The following ADD3 variants were observed in gnomAD, a reference collection of about 807,000 sequenced individuals.
ADD3 encodes the protein adducin 3, also known as gamma-adducin.
ADD3 carries 25 observed loss-of-function variants against 80.2 expected under a neutral mutation model. That is an observed-to-expected ratio of 0.31 (90% CI 0.23 to 0.44). The LOEUF (loss-of-function observed/expected upper bound fraction) is 0.44, where lower values mean the gene tolerates loss of function less well. ADD3 is among the 20% of genes least tolerant of loss of function. The probability of loss-of-function intolerance (pLI) is 1.00; values close to 1 mark genes in which losing one functional copy is unlikely to be tolerated. For missense variants in ADD3, 829 were observed against 847.5 expected (o/e 0.98, Z 0.27); for synonymous variants, 284 against 289.6 (o/e 0.98, Z 0.20).
intron 1 of ADD3, among the ~76,000 whole-genome samples, chr10:110,059,724 G>T (rs966103943): frequency 1.3e-5 from 2 of 152,058 alleles, no homozygotes; most frequent in African/African-American, 4.8e-5. Flanking sequence ...AGCCAAGATG[G>T]TGCCACTGCA....
rs1853487675 is a variant in ADD3, at chr10:110,134,959, C to T, written c.*1341C>T. 6.6e-6 allele frequency: 1 copy of T among 152,166 alleles called. No homozygotes were observed. Among genetic ancestry groups the T allele is most frequent in the Admixed American group, 6.5e-5 (1 of 15,272 alleles). 9.4% of individuals were successfully genotyped at this position (152,166 alleles called of 1,614,324 possible). ...TTTTAATGTAAATACAAATTTAAACCTAGGCTTAATATAGGCGTTTCCCCT... is the reference window on the plus strand; with the variant it reads ...TTTTAATGTAAATACAAATTTAAACTTAGGCTTAATATAGGCGTTTCCCCT... On this transcript the variant is annotated 3_prime_UTR_variant, in exon 15 of 15. Transcript: ENST00000356080.
rs143696361 is a variant in ADD3 at position 110,045,487 on chromosome 10, G to A, written c.-30+37188G>A. Among the ~76,000 whole-genome samples the A allele has an allele frequency of 5.6e-4, 86 of 152,220 alleles. No individual in the cohort carries two copies. In the East Asian group the frequency reaches 0.015, roughly 26 times the overall value. ...TAAATTTTATCTCCTTATAGTTGAC[G>A]CTTGAGCAATGTGGGTTTGAATAGC... is the stretch of plus-strand genomic sequence containing the variant. On this transcript the variant is annotated intron_variant, in intron 1 of 14. Transcript: ENST00000356080.
rs1275619238 is a variant in ADD3, at chr10:110,133,877, C to CATA, written c.*261_*263dup. On this transcript the variant is annotated 3_prime_UTR_variant, in exon 15 of 15. Transcript: ENST00000356080. ...CTCATGAAGTATTATTATAATTCAC[C>CATA]ATAAACAGCTATCTGTCTGAATTAC... 1.5e-5 allele frequency: 4 copies of CATA among 269,886 alleles called. No individual in the cohort carries two copies. Among genetic ancestry groups the CATA allele is most frequent in the African/African-American group, 8.8e-5 (4 of 45,578 alleles). 16.7% of individuals were successfully genotyped at this position (269,886 alleles called of 1,614,324 possible).
rs544311619 is a variant in ADD3, at chr10:110,096,489, C to G, written c.-29-4136C>G. Among the ~76,000 whole-genome samples, 4 of 152,240 alleles carry G rather than the reference C, an allele frequency of 2.6e-5. No homozygotes were observed. In the East Asian group the frequency reaches 7.7e-4, roughly 29 times the overall value. On this transcript the variant is annotated intron_variant, in intron 1 of 14. Coordinates refer to ENST00000356080, the MANE Select transcript of ADD3 (RefSeq NM_016824.5). ...AACAGAAACAACAACAAAAACAAAG[C>G]TTTGTGTGTTTAACAATTTATTATT...
intron 3 of ADD3, among the ~76,000 whole-genome samples, chr10:110,114,906 C>T (rs573978584): frequency 2.0e-5 from 3 of 150,948 alleles, no homozygotes; most frequent in African/African-American, 7.3e-5. Context: ...AGTAAGACCC[C>T]ATCTCCACTA....
chr10:110,046,239 G>A (rs1011691445), intron 1 of ADD3, among the ~76,000 whole-genome samples: 3 of 152,010 alleles, frequency 2.0e-5, no homozygotes, highest in Non-Finnish European at 2.9e-5. Flanking sequence ...GTACAGTACC[G>A]TAAATGTATT....
At chr10:110,090,460 G>A (rs1847359571) in intron 1 of ADD3, among the ~76,000 whole-genome samples, 1 of 152,036 alleles carries the variant, frequency 6.6e-6, no homozygotes, top group Non-Finnish European at 1.5e-5. Context: ...AGCTCAGGCA[G>A]TCCGCCTACC....
Position 110,027,082 on chromosome 10 carries a change from A to C in ADD3, c.-30+18783A>C, listed in dbSNP as rs577241329. Among the ~76,000 whole-genome samples the C allele has an allele frequency of 2.5e-4, 38 of 152,362 alleles. No homozygotes were observed. In the Middle Eastern group the frequency reaches 0.01, roughly 41 times the overall value. ...CAGTAAAGATAAATATGTTCATGAA[A>C]GTATATGAAACCAAAAATTGGAAAG... On this transcript the variant is annotated intron_variant, in intron 1 of 14. Transcript: ENST00000356080.
chr10:110,099,395 C>G (rs1409120604), intron 1 of ADD3, among the ~76,000 whole-genome samples: 1 of 152,050 alleles, frequency 6.6e-6, no homozygotes, highest in Non-Finnish European at 1.5e-5. Context: ...CATTTCCTAC[C>G]CCTTCTCCCT....
chr10:110,104,302 G>T (rs1448439515), intron 2 of ADD3, among the ~76,000 whole-genome samples: 1 of 152,154 alleles, frequency 6.6e-6, no homozygotes, highest in Non-Finnish European at 1.5e-5. Flanking sequence ...AACCTCCCTG[G>T]TGCTTGGCTC....
intron 2 of ADD3, among the ~76,000 whole-genome samples, chr10:110,109,246 C>A (rs1282661199): frequency 6.6e-6 from 1 of 151,932 alleles, no homozygotes; most frequent in Non-Finnish European, 1.5e-5. Context: ...AATCTAAAAA[C>A]CATTGTAAAT....
intron 2 of ADD3, among the ~76,000 whole-genome samples, chr10:110,104,935 C>T (rs1305290643): frequency 6.6e-6 from 1 of 152,158 alleles, no homozygotes; most frequent in Non-Finnish European, 1.5e-5. Flanking sequence ...TTACAGCATT[C>T]AGTGACAATG....
chr10:110,060,064 A>T (rs1215745392), intron 1 of ADD3, among the ~76,000 whole-genome samples: 3 of 152,158 alleles, frequency 2.0e-5, no homozygotes, highest in Non-Finnish European at 4.4e-5. Context: ...AAGGGAATAG[A>T]GTTGAGGCTT....
Position 110,122,166 on chromosome 10 carries a change from G to A in ADD3, c.1017G>A (p.Gln339=). ...ACAATCTCCATGTACTGGACTTTCA[G>A]AAGTATAAAGCTTTCACTTACACTG... ...GVDNLHVLDF[Q]KYKAFTYTVA... Residue 339 remains glutamine (Q), a synonymous_variant, in exon 9 of 15, where the codon CAG becomes CAA. Transcript: ENST00000356080. The A allele has an allele frequency of 1.2e-6, 2 of 1,614,078 alleles. No homozygotes were observed. Among genetic ancestry groups the A allele is most frequent in the Non-Finnish European group, 1.7e-6 (2 of 1,179,958 alleles).
At chr10:110,028,314 C>T (rs897368363) in intron 1 of ADD3, among the ~76,000 whole-genome samples, 4 of 152,324 alleles carry the variant, frequency 2.6e-5, no homozygotes, top group Non-Finnish European at 4.4e-5. Flanking sequence ...TGGCTCACGC[C>T]TGTAATCCCA....
intron 1 of ADD3, among the ~76,000 whole-genome samples, chr10:110,008,665 C>T (rs1200543614): frequency 1.3e-5 from 2 of 152,138 alleles, no homozygotes; most frequent in Non-Finnish European, 2.9e-5. Flanking sequence ...TAGGTGACCC[C>T]GGGGACCTTA....
Position 110,014,590 on chromosome 10 carries a change from A to G in ADD3, c.-30+6291A>G, listed in dbSNP as rs1171489313. The stretch of plus-strand genomic sequence containing the variant: ...GCCCAGGCTGGAGTGCAATGGCGCA[A>G]TTCTCAGCTCACCGCAACATCTACC... On this transcript the variant is annotated intron_variant, in intron 1 of 14. Transcript: ENST00000356080. 2.0e-5 allele frequency among the ~76,000 whole-genome samples: 3 copies of G among 151,966 alleles called. No individual in the cohort carries two copies. The East Asian group carries it at 5.8e-4, about 29-fold the overall frequency.
At chr10:110,122,902 G>C (rs1173883359) in intron 9 of ADD3, among the ~76,000 whole-genome samples, 1 of 152,026 alleles carries the variant, frequency 6.6e-6, no homozygotes. Flanking sequence ...AAAGTGCTGG[G>C]ATTACTGGCG....
chr10:110,007,638 G>A (rs1430629614), upstream of ADD3, among the ~76,000 whole-genome samples: 1 of 152,188 alleles, frequency 6.6e-6, no homozygotes, highest in Non-Finnish European at 1.5e-5. Context: ...AAGGCGCCAG[G>A]CAGCCGCCCC....
Sources: gnomAD v4.1 joint callset for allele counts (sites outside exome capture counted in the v4.1 genomes callset) on GRCh38, gnomAD v4.1.1 for gene constraint, MANE v1.5 for transcripts, NCBI Gene and HGNC (gene_info 2026-07-23, HGNC 2026-07-21) for gene names.